Variants in POU6F2 observed in about 807,000 individuals in gnomAD.
POU6F2 encodes POU class 6 homeobox 2, also known as POU domain, class 6, transcription factor 2.
POU6F2 carries 31 observed loss-of-function variants against 71.3 expected under a neutral mutation model. The observed-to-expected ratio is 0.43, with a 90% CI of 0.33 to 0.59. POU6F2 has a LOEUF of 0.59. Ranked by LOEUF, POU6F2 falls within the 20% of genes least tolerant of loss-of-function variation. The probability of loss-of-function intolerance (pLI) is 0.04; values close to 1 mark genes in which losing one functional copy is unlikely to be tolerated. For missense variants in POU6F2, 783 were observed against 856.8 expected, an observed-to-expected ratio of 0.91 and a Z score of 1.07; for synonymous variants, 347 against 355.7, an observed-to-expected ratio of 0.98 and a Z score of 0.27.
At position 39,390,845 on chromosome 7, in the gene POU6F2, T is replaced by G. The variant is rs550558734; in HGVS notation, c.973-15755T>G. 1.3e-4 allele frequency among the ~76,000 whole-genome samples: 20 copies of G among 151,456 alleles called. 1 individual carries two copies. In the South Asian group the frequency reaches 3.4e-3, roughly 26 times the overall value. ...CTGAACAGGGTTTTCTTGTTTTTTG[T>G]TTTTTGGTTTTTTTTTTTACCTGTG... On this transcript the variant is annotated intron_variant, in intron 5 of 9. Coordinates refer to ENST00000518318, the MANE Select transcript of POU6F2 (RefSeq NM_001370959.1).
intron 4 of POU6F2, among the ~76,000 whole-genome samples, chr7:39,210,829 T>C (rs1794126924): frequency 6.6e-6 from 1 of 152,188 alleles, no homozygotes; most frequent in Non-Finnish European, 1.5e-5. Context: ...GAAATGCTGA[T>C]CTAGGGAGAT....
rs61192418 is a variant in POU6F2 at position 39,297,196 on chromosome 7, TACACACAC to T, written c.599-42412_599-42405del. ...GGGTGTTTACAAACACACATACACA[TACACACAC>T]ACACACACACACACACACACACACA... On this transcript the variant is annotated intron_variant, in intron 4 of 9. Transcript: ENST00000518318. 3.2e-3 allele frequency among the ~76,000 whole-genome samples: 450 copies of T among 139,100 alleles called. 4 individuals carry two copies. The highest frequency in any genetic ancestry group is 0.019 in the South Asian group (79 of 4,204). The allele number at this position is 139,100 out of a possible 152,430, so 91.3% of individuals were successfully genotyped here. A position where few individuals can be genotyped will look rare whatever the true frequency, so the allele number is the denominator to read the frequency against.
intron 6 of POU6F2, among the ~76,000 whole-genome samples, chr7:39,430,011 C>T (rs1197476054): frequency 6.6e-6 from 1 of 152,154 alleles, no homozygotes; most frequent in African/African-American, 2.4e-5. Context: ...TCTGTGAAGT[C>T]AAAGTCCATG....
intron 1 of POU6F2, among the ~76,000 whole-genome samples, chr7:39,084,128 A>G (rs1310142378): frequency 2.0e-5 from 3 of 152,036 alleles, no homozygotes; most frequent in African/African-American, 7.3e-5. Flanking sequence ...CTCTCTCTGC[A>G]CTTGCTTTTT....
chr7:39,252,271 A>G (rs1783935666), intron 4 of POU6F2, among the ~76,000 whole-genome samples: 1 of 151,816 alleles, frequency 6.6e-6, no homozygotes, highest in African/African-American at 2.4e-5. Flanking sequence ...TCCCCTTCCA[A>G]CTGAGCCAAA....
chr7:39,402,939 T>C (rs761264251), intron 5 of POU6F2, among the ~76,000 whole-genome samples: 2 of 152,218 alleles, frequency 1.3e-5, no homozygotes, highest in African/African-American at 2.4e-5. Context: ...TTAGCTACCA[T>C]TTATTAAGAA....
At chr7:39,096,313 CCAAA>C (rs1791453782) in intron 2 of POU6F2, among the ~76,000 whole-genome samples, 2 of 152,210 alleles carry the variant, frequency 1.3e-5, no homozygotes, top group East Asian at 1.9e-4. Flanking sequence ...TTGTTAAAGG[CCAAA>C]CAATTTTTAA....
chr7:39,040,079 C>CAT lies in POU6F2; in HGVS notation c.106-45774_106-45773dup, dbSNP rs796810264. On this transcript the variant is annotated intron_variant, in intron 1 of 9. Transcript: ENST00000518318. ...TTTTAAAGTTTATATATATTATATA[C>CAT]ATATATATGTATTATATATATGTAT... 9.1e-3 allele frequency among the ~76,000 whole-genome samples: 4 copies of CAT among 438 alleles called. 2 individuals are homozygous for CAT. The Admixed American group carries it at 0.22, about 24-fold the overall frequency. The allele number at this position is 438 out of a possible 152,430, so 0.3% of individuals were successfully genotyped here.
intron 1 of POU6F2, among the ~76,000 whole-genome samples, chr7:38,995,335 A>G (rs1192120991): frequency 6.6e-6 from 1 of 151,944 alleles, no homozygotes; most frequent in Non-Finnish European, 1.5e-5. Context: ...TCACTGGCCC[A>G]CTCTCTGGCA....
chr7:38,993,305 G>T (rs1289740179), intron 1 of POU6F2, among the ~76,000 whole-genome samples: 1 of 151,860 alleles, frequency 6.6e-6, no homozygotes, highest in East Asian at 1.9e-4. Flanking sequence ...AGGAATATAG[G>T]CAAAGGTAAA....
At chr7:39,369,703 A>C (rs1429200517) in intron 5 of POU6F2, among the ~76,000 whole-genome samples, 1 of 151,856 alleles carries the variant, frequency 6.6e-6, no homozygotes, top group African/African-American at 2.4e-5. Flanking sequence ...TTTTTTTCAG[A>C]GATGTGGTCT....
chr7:38,987,855 C>T (rs1316654365), intron 1 of POU6F2, among the ~76,000 whole-genome samples: 2 of 151,590 alleles, frequency 1.3e-5, no homozygotes, highest in Non-Finnish European at 2.9e-5. Context: ...CTGACCATGC[C>T]ATCTTTCCCT....
At chr7:39,088,169 C>T (rs1357340285) in intron 2 of POU6F2, among the ~76,000 whole-genome samples, 2 of 151,994 alleles carry the variant, frequency 1.3e-5, no homozygotes, top group African/African-American at 4.8e-5. Flanking sequence ...TCCCAGTTTC[C>T]AATTAGATCA....
intron 1 of POU6F2, among the ~76,000 whole-genome samples, chr7:39,025,079 G>A (rs3999863): frequency 0.05 from 7,561 of 152,100 alleles, 301 homozygotes; most frequent in African/African-American, 0.096. Flanking sequence ...CAGAAGGAAT[G>A]GTACCAGTTC....
At chr7:39,423,913 A>G (rs1214043268) in intron 6 of POU6F2, among the ~76,000 whole-genome samples, 1 of 152,240 alleles carries the variant, frequency 6.6e-6, no homozygotes, top group African/African-American at 2.4e-5. Flanking sequence ...TGATTCCAAC[A>G]TCGTGCCTGT....
At chr7:39,437,940 GTTTC>G (rs945846679) in intron 7 of POU6F2, among the ~76,000 whole-genome samples, 1 of 131,560 alleles carries the variant, frequency 7.6e-6, no homozygotes, top group African/African-American at 3.2e-5. Context: ...TTTTGAGTGA[GTTTC>G]TTTTTTTTTT....
chr7:39,300,018 C>G (rs557895855), intron 4 of POU6F2, among the ~76,000 whole-genome samples: 1 of 152,254 alleles, frequency 6.6e-6, no homozygotes, highest in South Asian at 2.1e-4. Context: ...CGCCTTACTT[C>G]CCACTGCAGA....
At chr7:39,251,962 G>C (rs990754595) in intron 4 of POU6F2, among the ~76,000 whole-genome samples, 12 of 152,210 alleles carry the variant, frequency 7.9e-5, no homozygotes, top group African/African-American at 2.9e-4. Context: ...GCTAGTAGCA[G>C]AATCTTCAGT....
At chr7:39,397,422 C>T (rs912863747) in intron 5 of POU6F2, among the ~76,000 whole-genome samples, 2 of 145,818 alleles carry the variant, frequency 1.4e-5, no homozygotes, top group East Asian at 3.9e-4. Flanking sequence ...AATATAGAGA[C>T]AAATGTATAT....
Sources: gnomAD v4.1 joint callset for allele counts (sites outside exome capture counted in the v4.1 genomes callset) on GRCh38, gnomAD v4.1.1 for gene constraint, MANE v1.5 for transcripts, NCBI Gene and HGNC (gene_info 2026-07-23, HGNC 2026-07-21) for gene names.